The following TRIP12 variants were observed in gnomAD, a reference collection of about 807,000 sequenced individuals.
TRIP12 encodes the protein thyroid hormone receptor interactor 12.
In TRIP12, 25 loss-of-function variants were observed where a neutral mutation model predicts 244.2. The observed-to-expected ratio is 0.10, with a 90% CI of 0.07 to 0.14. The LOEUF is 0.14. Among genes scored for constraint, TRIP12 ranks in the 10% least tolerant of loss-of-function variants. TRIP12 has a pLI of 1.00. For missense variants in TRIP12, 1,677 were observed against 2,486.4 expected (o/e 0.67, Z 6.92); for synonymous variants, 905 against 873.1 (o/e 1.04, Z -0.64).
At chr2:229,805,510 C>T (rs562112316) in intron 18 of TRIP12, among the ~76,000 whole-genome samples, 7 of 152,158 alleles carry the variant, frequency 4.6e-5, no homozygotes, top group Non-Finnish European at 1.0e-4. Flanking sequence ...TGACTCGAAT[C>T]TCAGGACATC....
At chr2:229,922,360 TA>T, upstream of TRIP12, 1 of 717,308 alleles carries the variant, frequency 1.4e-6, no homozygotes, top group Non-Finnish European at 2.3e-6. Context: ...CAGGGTTCCC[TA>T]AGACCCTTGG....
At chr2:229,861,655 A>C (rs2060503502) in intron 2 of TRIP12, among the ~76,000 whole-genome samples, 1 of 152,204 alleles carries the variant, frequency 6.6e-6, no homozygotes, top group Admixed American at 6.5e-5. Flanking sequence ...AAGATATCAT[A>C]CAAGTACAAC....
rs1463173634 is a variant in TRIP12, at chr2:229,830,789, C to T, written c.1321G>A (p.Glu441Lys). 6.2e-7 allele frequency: 1 copy of T among 1,614,156 alleles called. No individual in the cohort carries two copies. Among genetic ancestry groups the T allele is most frequent in the South Asian group, 1.1e-5 (1 of 91,086 alleles). ...AVGMTTSGES[E>K]SDDSEMGRLQ... ...CGTCCCATCTCGGAATCATCTGATTCACTCTCCCCAGAGGTGGTCATGCCA... is the reference window on the plus strand; with the variant it reads ...CGTCCCATCTCGGAATCATCTGATTTACTCTCCCCAGAGGTGGTCATGCCA... Residue 441 changes from glutamate (E) to lysine (K), a missense_variant, in exon 7 of 42, where the codon GAA (glutamate) becomes AAA (lysine). Physicochemically the swap from Glu to Lys is moderately conservative, Grantham distance 56. Around this residue, in one of 11 missense-constraint regions of TRIP12, gnomAD observed 143 missense variants for 215.6 expected, o/e 0.66. Coordinates refer to ENST00000675903, the MANE Select transcript of TRIP12 (RefSeq NM_001348323.3).
intron 13 of TRIP12, 51 bp from the exon 14 acceptor site, chr2:229,811,255 C>T: frequency 6.5e-7 from 1 of 1,544,218 alleles, no homozygotes; most frequent in East Asian, 2.4e-5. Flanking sequence ...AGCATTTTCA[C>T]TGTCATGTAT....
chr2:229,771,699 C>A (rs2034398751), intron 38 of TRIP12, 67 bp from the exon 39 acceptor site: 4 of 1,196,008 alleles, frequency 3.3e-6, no homozygotes, highest in Admixed American at 3.5e-5. Flanking sequence ...TAATATGTGG[C>A]AAAGTACAGT....
rs144054006 is a variant in TRIP12, at chr2:229,821,914, C to T, written c.1451-3402G>A. ...CAGCACTTTGGGAGGCCAAGATGGGCGGATCACCTGAGGTCAGGAGTTTGA... is the reference window on the plus strand; with the variant it reads ...CAGCACTTTGGGAGGCCAAGATGGGTGGATCACCTGAGGTCAGGAGTTTGA... On this transcript the variant is annotated intron_variant, in intron 8 of 41. Coordinates refer to ENST00000675903, the MANE Select transcript of TRIP12 (RefSeq NM_001348323.3). Among the ~76,000 whole-genome samples, 9 of 152,204 alleles carry T rather than the reference C, an allele frequency of 5.9e-5. 1 individual carries two copies. The East Asian group carries it at 1.7e-3, about 29-fold the overall frequency.
rs2073253795 is a variant in TRIP12 at position 229,907,838 on chromosome 2, C to CA, written c.-50+14041dup. Among the ~76,000 whole-genome samples the CA allele has an allele frequency of 2.0e-5, 3 of 152,118 alleles. No individual in the cohort carries two copies. In the South Asian group the frequency reaches 6.2e-4, roughly 32 times the overall value. ...ACAAATTAATAATAATAATAGTTTA[C>CA]AAATGCAAGCACTTATCCTATACCA... On this transcript the variant is annotated intron_variant, in intron 1 of 41. Transcript: ENST00000675903.
chr2:229,834,536 G>C (rs763634210), intron 6 of TRIP12, among the ~76,000 whole-genome samples: 1 of 152,204 alleles, frequency 6.6e-6, no homozygotes, highest in African/African-American at 2.4e-5. Flanking sequence ...AAGGTGGGCA[G>C]ATCACTTGAG....
Position 229,859,268 on chromosome 2 carries a change from G to C in TRIP12, c.531C>G (p.Thr177=), listed in dbSNP as rs2060103620. The change falls in exon 4 of 42, where the codon ACC becomes ACG. Residue 177 remains threonine, a synonymous_variant. Transcript: ENST00000675903. ...AQSPSTSKAH[T]RKSGATGGSR... ...AACCGCCAGTGGCCCCACTCTTCCT[G>C]GTATGAGCCTTGCTTGTTGATGGTG... The C allele has an allele frequency of 1.2e-6, 2 of 1,614,190 alleles. No homozygotes were observed. Among genetic ancestry groups the C allele is most frequent in the Non-Finnish European group, 1.7e-6 (2 of 1,180,046 alleles).
chr2:229,863,222 C>G (rs953592823), intron 2 of TRIP12, among the ~76,000 whole-genome samples: 3 of 147,386 alleles, frequency 2.0e-5, no homozygotes, highest in Admixed American at 6.8e-5. Context: ...GGGCGAGACT[C>G]CATCTCGAAA....
At position 229,818,354 on chromosome 2, in the gene TRIP12, T is replaced by C. The variant is rs772262096; in HGVS notation, c.1599+10A>G. ...ATGAGGTAAAAACGAGGGAAAAACA[T>C]TATGCTTACCAAAGCTGGAACAACA... On this transcript the variant is annotated intron_variant, in intron 9 of 41. Coordinates refer to ENST00000675903, the MANE Select transcript of TRIP12 (RefSeq NM_001348323.3). 1.2e-6 allele frequency: 2 copies of C among 1,612,976 alleles called. No homozygotes were observed. Among genetic ancestry groups the C allele is most frequent in the East Asian group, 4.5e-5 (2 of 44,842 alleles).
At chr2:229,803,717 A>C (rs1170627345) in intron 19 of TRIP12, 28 bp from the exon 20 acceptor site, 3 of 1,503,606 alleles carry the variant, frequency 2.0e-6, no homozygotes, top group Non-Finnish European at 2.7e-6. Flanking sequence ...TTGTATATAA[A>C]ACTCTGCCTG....
chr2:229,856,814 TTC>T (rs750762375), intron 4 of TRIP12, among the ~76,000 whole-genome samples: 7 of 152,238 alleles, frequency 4.6e-5, no homozygotes, highest in Non-Finnish European at 7.3e-5. Flanking sequence ...CTTTTTTTCC[TTC>T]TCACTTCAAG....
chr2:229,813,080 T>A (rs1013287066), intron 13 of TRIP12, among the ~76,000 whole-genome samples: 3 of 152,192 alleles, frequency 2.0e-5, no homozygotes, highest in African/African-American at 7.2e-5. Flanking sequence ...GGTCCATTGA[T>A]TCTGCCACCT....
chr2:229,847,939 G>A (rs964372600), intron 4 of TRIP12, among the ~76,000 whole-genome samples: 1 of 152,096 alleles, frequency 6.6e-6, no homozygotes, highest in African/African-American at 2.4e-5. Flanking sequence ...GAAGGGAATC[G>A]AGTACAGACA....
At chr2:229,847,617 A>G (rs2057837736) in intron 4 of TRIP12, among the ~76,000 whole-genome samples, 1 of 152,210 alleles carries the variant, frequency 6.6e-6, no homozygotes, top group Non-Finnish European at 1.5e-5. Flanking sequence ...GAAGTCCAGA[A>G]AGCTGAAAGT....
chr2:229,780,298 G>A (rs548400613), intron 34 of TRIP12, among the ~76,000 whole-genome samples: 3 of 152,180 alleles, frequency 2.0e-5, no homozygotes, highest in Admixed American at 6.5e-5. Context: ...TACAATAAGC[G>A]CTGCCTTCAA....
chr2:229,790,540 A>AGGG (rs71396611), intron 30 of TRIP12, among the ~76,000 whole-genome samples: 1 of 101,560 alleles, frequency 9.8e-6, no homozygotes, highest in Non-Finnish European at 2.0e-5. Context: ...GAGCAGGGGG[A>AGGG]GGGGGGGGTG....
chr2:229,821,958 G>A (rs111995428), intron 8 of TRIP12, among the ~76,000 whole-genome samples: 2,130 of 152,274 alleles, frequency 0.014, 22 homozygotes, highest in Middle Eastern at 0.02. Flanking sequence ...TGGCCAGCAT[G>A]GTGAAACGCT....
Sources: gnomAD v4.1 joint callset for allele counts (sites outside exome capture counted in the v4.1 genomes callset) on GRCh38, gnomAD v4.1.1 for gene constraint, gnomAD v4.1.1 regional missense constraint, MANE v1.5 for transcripts, NCBI Gene and HGNC (gene_info 2026-07-23, HGNC 2026-07-21) for gene names.